Variants in EXOC4 observed in about 807,000 individuals in gnomAD.
EXOC4 encodes the protein SEC8-like 1.
Under a neutral mutation model 107.2 loss-of-function variants are expected in EXOC4, and 71 were observed. That is an observed-to-expected ratio of 0.66 (90% confidence interval 0.55 to 0.81). The LOEUF (loss-of-function observed/expected upper bound fraction) is 0.81, where lower values mean the gene tolerates loss of function less well. Among genes scored for constraint, EXOC4 ranks in the 30% least tolerant of loss-of-function variants. The probability of loss-of-function intolerance (pLI) is 0.00; values close to 1 mark genes in which losing one functional copy is unlikely to be tolerated. For missense variants in EXOC4, 1,108 were observed against 1,189.6 expected, an observed-to-expected ratio of 0.93 and a Z score of 1.01; for synonymous variants, 456 against 441.2, an observed-to-expected ratio of 1.03 and a Z score of -0.42.
chr7:133,539,724 T>C (rs1170124310), intron 9 of EXOC4, among the ~76,000 whole-genome samples: 1 of 152,056 alleles, frequency 6.6e-6, no homozygotes, highest in Non-Finnish European at 1.5e-5. Flanking sequence ...GGAAAGGAAA[T>C]TATAATATGG....
chr7:133,945,711 G>A (rs1333842187), intron 14 of EXOC4, among the ~76,000 whole-genome samples: 1 of 152,142 alleles, frequency 6.6e-6, no homozygotes, highest in Non-Finnish European at 1.5e-5. Context: ...TCCCCCAACC[G>A]CACAGTTGCG....
rs549679458 is a variant in EXOC4 at position 133,419,957 on chromosome 7, G to A, written c.1182+44955G>A. 2.3e-5 allele frequency among the ~76,000 whole-genome samples: 3 copies of A among 132,380 alleles called. No individual in the cohort carries two copies. In the Admixed American group the frequency reaches 2.5e-4, roughly 11 times the overall value. 86.8% of individuals were successfully genotyped at this position (132,380 alleles called of 152,430 possible). A position where few individuals can be genotyped will look rare whatever the true frequency, so the allele number is the denominator to read the frequency against. ...GAGAGGCTCAACTGAGGAAGAGTCT[G>A]CTTCTTCTTTTTTTTTTTTTTTTTT... On this transcript the variant is annotated intron_variant, in intron 7 of 17. Transcript: ENST00000253861.
chr7:133,655,185 A>AAAAT (rs57155904), intron 10 of EXOC4, among the ~76,000 whole-genome samples: 133,008 of 151,770 alleles, frequency 0.88, 58,706 homozygotes, highest in East Asian at 0.99. Context: ...AACTTTATTT[A>AAAAT]AAATAAACTT....
At chr7:134,027,118 A>G (rs1007172022) in intron 17 of EXOC4, among the ~76,000 whole-genome samples, 13 of 152,186 alleles carry the variant, frequency 8.5e-5, no homozygotes, top group Non-Finnish European at 1.3e-4. Flanking sequence ...AAAAATATAT[A>G]GTATATTCAT....
chr7:133,333,460 T>C (rs1795440903), intron 5 of EXOC4, among the ~76,000 whole-genome samples: 1 of 152,144 alleles, frequency 6.6e-6, no homozygotes, highest in Admixed American at 6.5e-5. Flanking sequence ...GAGAGTGATA[T>C]TTTGAAACCT....
At chr7:134,024,324 G>A (rs182442339) in intron 17 of EXOC4, among the ~76,000 whole-genome samples, 3 of 152,130 alleles carry the variant, frequency 2.0e-5, no homozygotes, top group African/African-American at 4.8e-5. Context: ...GGTGGCAGGC[G>A]CCTGTAGTCT....
At chr7:133,514,420 C>A (rs1284024397) in intron 9 of EXOC4, among the ~76,000 whole-genome samples, 1 of 152,176 alleles carries the variant, frequency 6.6e-6, no homozygotes, top group Middle Eastern at 3.2e-3. Flanking sequence ...TCTCAGCCTT[C>A]CAAAGTGCTG....
chr7:133,914,671 G>A (rs1020872455), intron 12 of EXOC4, among the ~76,000 whole-genome samples: 24 of 152,006 alleles, frequency 1.6e-4, no homozygotes, highest in African/African-American at 5.8e-4. Context: ...AACCTATTTG[G>A]AACCAGTGTA....
intron 10 of EXOC4, among the ~76,000 whole-genome samples, chr7:133,686,709 A>G (rs1794305901): frequency 6.6e-6 from 1 of 152,164 alleles, no homozygotes; most frequent in Non-Finnish European, 1.5e-5. Context: ...TAGAAAAATA[A>G]TAGATGTGGG....
At chr7:133,968,434 TC>T (rs1359640612) in intron 14 of EXOC4, among the ~76,000 whole-genome samples, 2 of 152,212 alleles carry the variant, frequency 1.3e-5, no homozygotes, top group Non-Finnish European at 1.5e-5. Context: ...CTTCATAGTG[TC>T]AATGGTCTTT....
intron 4 of EXOC4, among the ~76,000 whole-genome samples, chr7:133,306,313 G>T (rs897244060): frequency 6.6e-6 from 1 of 152,114 alleles, no homozygotes; most frequent in African/African-American, 2.4e-5. Context: ...TTTACTGTGG[G>T]TCTCATATTC....
intron 10 of EXOC4, among the ~76,000 whole-genome samples, chr7:133,685,915 A>ACT (rs1343114699): frequency 1.3e-5 from 2 of 151,910 alleles, no homozygotes; most frequent in African/African-American, 4.8e-5. Context: ...ATTATTGCTC[A>ACT]CTCCATGTCC....
chr7:133,865,329 G>T (rs1448625962), intron 11 of EXOC4, among the ~76,000 whole-genome samples: 1 of 152,058 alleles, frequency 6.6e-6, no homozygotes, highest in Non-Finnish European at 1.5e-5. Flanking sequence ...AAACCTCCAG[G>T]GTCCTCTCAA....
chr7:133,729,616 G>T (rs1368922831), intron 10 of EXOC4, among the ~76,000 whole-genome samples: 1 of 152,128 alleles, frequency 6.6e-6, no homozygotes, highest in African/African-American at 2.4e-5. Flanking sequence ...ATGACTGGAA[G>T]GGAGTGCTTA....
At chr7:133,591,901 AT>A (rs563400280) in intron 9 of EXOC4, among the ~76,000 whole-genome samples, 113 of 152,248 alleles carry the variant, frequency 7.4e-4, no homozygotes, top group African/African-American at 2.5e-3. Flanking sequence ...GTGTGCTGTG[AT>A]CCTGAGAGTG....
chr7:133,584,573 A>AGT (rs1801352779), intron 9 of EXOC4, among the ~76,000 whole-genome samples: 1 of 42,834 alleles, frequency 2.3e-5, no homozygotes, highest in African/African-American at 6.6e-5. Context: ...TACGTATTTC[A>AGT]GTTTTTTTTT....
chr7:133,440,631 G>A lies in EXOC4; in HGVS notation c.1183-34697G>A, dbSNP rs80007445. Among the ~76,000 whole-genome samples, 203 of 152,314 alleles carry A rather than the reference G, an allele frequency of 1.3e-3. 2 individuals are homozygous for A. In the East Asian group the frequency reaches 0.036, roughly 27 times the overall value. ...GACCTTGTTGATAAAATAGGTTGCA[G>A]TAAAGAAGCTGGGCAAACCCACTAA... On this transcript the variant is annotated intron_variant, in intron 7 of 17. Transcript: ENST00000253861.
intron 9 of EXOC4, among the ~76,000 whole-genome samples, chr7:133,616,567 T>C (rs17167168): frequency 0.16 from 24,047 of 152,092 alleles, 2,248 homozygotes; most frequent in African/African-American, 0.25. Flanking sequence ...AGACCTGTCA[T>C]GAATTTTGCC....
intron 7 of EXOC4, among the ~76,000 whole-genome samples, chr7:133,427,060 GT>G (rs201219233): frequency 9.3e-5 from 14 of 151,010 alleles, no homozygotes; most frequent in African/African-American, 2.4e-4. Context: ...CATATGTGTG[GT>G]TTTTTTTTGT....
Sources: gnomAD v4.1 joint callset for allele counts (sites outside exome capture counted in the v4.1 genomes callset) on GRCh38, gnomAD v4.1.1 for gene constraint, MANE v1.5 for transcripts, NCBI Gene and HGNC (gene_info 2026-07-23, HGNC 2026-07-21) for gene names.